The following TXNDC11 variants were observed in gnomAD, a reference collection of about 807,000 sequenced individuals.
The protein encoded by TXNDC11 is thioredoxin domain-containing protein 11.
In TXNDC11, 68 loss-of-function variants were observed where a neutral mutation model predicts 78.0. The ratio of observed to expected loss-of-function variants is 0.87; its 90% CI spans 0.72 to 1.07. The LOEUF is 1.07. TXNDC11 is among the 50% of genes least tolerant of loss of function. TXNDC11 has a pLI of 0.00. For synonymous variants in TXNDC11, 571 were observed against 495.2 expected (o/e 1.15, Z -2.03); for missense variants, 1,389 against 1,221.8 (o/e 1.14, Z -2.04).
intron 1 of TXNDC11, among the ~76,000 whole-genome samples, chr16:11,740,611 G>T: frequency 6.6e-6 from 1 of 152,168 alleles, no homozygotes; most frequent in East Asian, 1.9e-4. Flanking sequence ...ATGTCACCTC[G>T]CAACACTCTA....
intron 8 of TXNDC11, chr16:11,690,136 C>T (rs2050669877): frequency 6.6e-6 from 1 of 152,196 alleles, no homozygotes; most frequent in East Asian, 1.9e-4. Context: ...TCCTTCCCTA[C>T]CAAATTCCTC....
chr16:11,681,544 G>A (rs1369532813), intron 11 of TXNDC11, among the ~76,000 whole-genome samples: 1 of 152,202 alleles, frequency 6.6e-6, no homozygotes, highest in Non-Finnish European at 1.5e-5. Flanking sequence ...ACTATGGTGG[G>A]AAGAGGTCCC....
intron 1 of TXNDC11, chr16:11,741,900 G>C (rs1397117275): frequency 1.3e-5 from 2 of 152,336 alleles, no homozygotes; most frequent in Non-Finnish European, 2.9e-5. Flanking sequence ...AGGCGTGGTG[G>C]CGCGCGCCTG....
In TXNDC11 at chr16:11,742,757, A is replaced by ACCG. The variant is rs746033646; in HGVS notation, c.-30_-28dup. The stretch of plus-strand genomic sequence containing the variant: ...ACATGCTCCCAGTCGCCGGCTTTAT[A>ACCG]CCGCCGCCGCCGCCTCGGGCCCGAA... On this transcript the variant is annotated 5_prime_UTR_variant, in exon 1 of 12. Coordinates refer to ENST00000283033, the MANE Select transcript of TXNDC11 (RefSeq NM_015914.7). 17 of 1,434,242 alleles carry ACCG rather than the reference A, an allele frequency of 1.2e-5. No individual in the cohort carries two copies. The highest frequency in any genetic ancestry group is 7.5e-5 in the African/African-American group (5 of 66,966). 88.8% of individuals were successfully genotyped at this position (1,434,242 alleles called of 1,614,324 possible).
chr16:11,698,084 T>C, intron 7 of TXNDC11, 41 bp downstream of exon 7: 1 of 1,584,696 alleles, frequency 6.3e-7, no homozygotes, highest in Non-Finnish European at 8.7e-7. Context: ...GATGAGGCTT[T>C]CCTACTCCTC....
intron 3 of TXNDC11, among the ~76,000 whole-genome samples, chr16:11,732,200 A>C (rs1419427241): frequency 6.6e-6 from 1 of 152,204 alleles, no homozygotes; most frequent in African/African-American, 2.4e-5. Flanking sequence ...TTTCTGCAAA[A>C]GCTAAGCAAG....
chr16:11,691,052 C>A, intron 8 of TXNDC11: 1 of 531,248 alleles, frequency 1.9e-6, no homozygotes, highest in Non-Finnish European at 3.3e-6. Context: ...ACTCTTACCC[C>A]CACCATGGGC....
intron 5 of TXNDC11, among the ~76,000 whole-genome samples, chr16:11,709,853 C>G (rs1476278301): frequency 6.6e-6 from 1 of 152,164 alleles, no homozygotes; most frequent in East Asian, 1.9e-4. Context: ...ATATACTTAA[C>G]CTGACAGTAA....
At chr16:11,684,392 G>A (rs993130351) in intron 10 of TXNDC11, 147 bp from the exon 11 acceptor site, 6 of 603,164 alleles carry the variant, frequency 9.9e-6, no homozygotes. Context: ...ACTACCAGGT[G>A]TGAGCTGGGC....
intron 8 of TXNDC11, 80 bp downstream of exon 8, chr16:11,691,210 A>T: frequency 1.7e-6 from 2 of 1,210,054 alleles, no homozygotes; most frequent in Non-Finnish European, 2.3e-6. Flanking sequence ...ACTAAATGTA[A>T]TGAGAGCCAT....
intron 10 of TXNDC11, among the ~76,000 whole-genome samples, chr16:11,684,556 A>G (rs910415075): frequency 6.6e-6 from 1 of 152,220 alleles, no homozygotes; most frequent in East Asian, 1.9e-4. Flanking sequence ...CTAGCCAAGT[A>G]TTTTAATCCC....
At chr16:11,729,173 A>C (rs1194871677) in intron 4 of TXNDC11, among the ~76,000 whole-genome samples, 1 of 152,192 alleles carries the variant, frequency 6.6e-6, no homozygotes, top group African/African-American at 2.4e-5. Context: ...AGGAATCTCA[A>C]GGATACCCTG....
At chr16:11,729,994 T>C (rs1270569300) in intron 4 of TXNDC11, among the ~76,000 whole-genome samples, 2 of 152,104 alleles carry the variant, frequency 1.3e-5, no homozygotes, top group South Asian at 2.1e-4. Context: ...CTTGGGTGGC[T>C]GAGGCACAAG....
rs532019672 is a variant in TXNDC11 at position 11,699,694 on chromosome 16, T to A, written c.906+758A>T. Reference sequence around the variant, plus strand: ...AACAGCCCCTCCGAAGGCACAAGACTTAGACATTGTGCCAAGGGGGGCGCA... The same window carrying A: ...AACAGCCCCTCCGAAGGCACAAGACATAGACATTGTGCCAAGGGGGGCGCA... On this transcript the variant is annotated intron_variant, in intron 6 of 11. Coordinates refer to ENST00000283033, the MANE Select transcript of TXNDC11 (RefSeq NM_015914.7). Among the ~76,000 whole-genome samples the A allele has an allele frequency of 2.5e-3, 385 of 152,326 alleles. 1 individual carries two copies. The highest frequency in any genetic ancestry group is 8.8e-3 in the African/African-American group (366 of 41,570).
At chr16:11,714,407 G>T (rs551160349) in intron 5 of TXNDC11, among the ~76,000 whole-genome samples, 1 of 152,038 alleles carries the variant, frequency 6.6e-6, no homozygotes, top group East Asian at 1.9e-4. Context: ...TTGGGAGGCC[G>T]AGGTGGGCGG....
intron 5 of TXNDC11, among the ~76,000 whole-genome samples, chr16:11,704,822 C>T (rs202203505): frequency 1.3e-5 from 2 of 151,920 alleles, no homozygotes; most frequent in African/African-American, 4.8e-5. Flanking sequence ...GATCCTGAAA[C>T]AAAAACAGAC....
chr16:11,679,678 C>T lies in TXNDC11; in HGVS notation c.2394G>A (p.Gly798=). The part of the protein sequence containing the change: ...CLQSEAVLQR[G]HISHLEREIQ... ...TCTCTCTCTCCAAGTGGGAGATGTG[C>T]CCCCGCTGTAAGACTGCCTCGCTCT... Residue 798 remains glycine, a synonymous_variant, in exon 12 of 12, where the codon GGG becomes GGA. Transcript: ENST00000283033. The surrounding 1 kb of genome is among the most constrained non-coding windows in gnomAD (Gnocchi z 4.6). The T allele has an allele frequency of 6.2e-7, 1 of 1,614,152 alleles. No individual in the cohort carries two copies.
chr16:11,701,102 T>G (rs1056627110), intron 5 of TXNDC11, among the ~76,000 whole-genome samples: 8 of 151,904 alleles, frequency 5.3e-5, no homozygotes, highest in Non-Finnish European at 1.2e-4. Flanking sequence ...ATTCATTTAT[T>G]TAGATTTCCT....
At chr16:11,697,297 G>A (rs1220529537) in intron 7 of TXNDC11, among the ~76,000 whole-genome samples, 3 of 152,222 alleles carry the variant, frequency 2.0e-5, no homozygotes, top group Non-Finnish European at 2.9e-5. Context: ...CCAGGCCAGC[G>A]CTGAGGGGCT....
Sources: gnomAD v4.1 joint callset for allele counts (sites outside exome capture counted in the v4.1 genomes callset) on GRCh38, gnomAD v4.1.1 for gene constraint, Gnocchi (gnomAD v3.1) non-coding constraint, MANE v1.5 for transcripts, NCBI Gene and HGNC (gene_info 2026-07-23, HGNC 2026-07-21) for gene names.